The following SPAG16 variants were observed in gnomAD, a reference collection of about 807,000 sequenced individuals.
The protein encoded by SPAG16 is sperm-associated antigen 16 protein.
A neutral mutation model predicts 80.4 loss-of-function variants in SPAG16; 86 were observed. The ratio of observed to expected loss-of-function variants is 1.07; its 90% CI spans 0.90 to 1.28. The LOEUF (loss-of-function observed/expected upper bound fraction) is 1.28. SPAG16 is among the 50% of genes most tolerant of loss of function. SPAG16 has a pLI of 0.00. For synonymous variants in SPAG16, 294 were observed against 265.9 expected, an observed-to-expected ratio of 1.11 and a Z score of -1.03; for missense variants, 870 against 765.3, an observed-to-expected ratio of 1.14 and a Z score of -1.61.
intron 13 of SPAG16, among the ~76,000 whole-genome samples, chr2:214,092,861 C>T (rs763967938): frequency 3.2e-4 from 49 of 152,140 alleles, no homozygotes; most frequent in Non-Finnish European, 6.0e-4. Context: ...TCTATGTACT[C>T]CTTGTCTACT....
intron 10 of SPAG16, among the ~76,000 whole-genome samples, chr2:213,643,259 T>C (rs1283850768): frequency 2.0e-5 from 3 of 147,572 alleles, no homozygotes; most frequent in Admixed American, 6.8e-5. Flanking sequence ...TTGTTTTTAT[T>C]CAGCACTCTA....
intron 15 of SPAG16, among the ~76,000 whole-genome samples, chr2:214,357,201 G>T (rs1698873496): frequency 6.6e-6 from 1 of 151,668 alleles, no homozygotes; most frequent in South Asian, 2.1e-4. Context: ...ACTATGATGT[G>T]CCCAATATGA....
chr2:213,998,531 T>C (rs2046636914), intron 12 of SPAG16, among the ~76,000 whole-genome samples: 1 of 152,228 alleles, frequency 6.6e-6, no homozygotes, highest in Admixed American at 6.5e-5. Flanking sequence ...CTTCCCATTC[T>C]TGGGTATGTC....
intron 10 of SPAG16, among the ~76,000 whole-genome samples, chr2:213,593,662 T>C (rs1410795121): frequency 1.3e-5 from 2 of 151,164 alleles, no homozygotes; most frequent in African/African-American, 4.8e-5. Flanking sequence ...TTCTCTTTTC[T>C]AGGTCATCAT....
intron 15 of SPAG16, among the ~76,000 whole-genome samples, chr2:214,257,621 A>G (rs1690789015): frequency 1.3e-5 from 2 of 152,092 alleles, no homozygotes; most frequent in African/African-American, 4.8e-5. Context: ...TTCTCTTAAT[A>G]TGGTGAATGA....
At chr2:213,565,095 T>C (rs1370341897) in intron 10 of SPAG16, among the ~76,000 whole-genome samples, 1 of 152,200 alleles carries the variant, frequency 6.6e-6, no homozygotes, top group African/African-American at 2.4e-5. Flanking sequence ...TCAGTGTTAC[T>C]TTCTATAATA....
At chr2:214,393,813 G>T (rs1701217714) in intron 15 of SPAG16, among the ~76,000 whole-genome samples, 1 of 152,096 alleles carries the variant, frequency 6.6e-6, no homozygotes. Context: ...CTTTAGATTT[G>T]CTCTAAAAAA....
At chr2:213,562,423 T>C (rs1005094055) in intron 10 of SPAG16, among the ~76,000 whole-genome samples, 1 of 152,190 alleles carries the variant, frequency 6.6e-6, no homozygotes, top group Non-Finnish European at 1.5e-5. Flanking sequence ...TTCTGGAAAA[T>C]ACAAATATGG....
intron 15 of SPAG16, among the ~76,000 whole-genome samples, chr2:214,270,085 C>T (rs1691884096): frequency 6.6e-6 from 1 of 152,120 alleles, no homozygotes; most frequent in Non-Finnish European, 1.5e-5. Context: ...ATTGGAATTT[C>T]ATCACACTCA....
At chr2:213,853,271 G>T (rs1398141806) in intron 10 of SPAG16, among the ~76,000 whole-genome samples, 2 of 152,038 alleles carry the variant, frequency 1.3e-5, no homozygotes, top group African/African-American at 2.4e-5. Context: ...TCTAACAGTG[G>T]ATTCTTATGT....
At chr2:214,248,272 C>A (rs889939284) in intron 15 of SPAG16, among the ~76,000 whole-genome samples, 4 of 148,100 alleles carry the variant, frequency 2.7e-5, no homozygotes, top group Non-Finnish European at 4.5e-5. Context: ...CTGCTATGTG[C>A]TGGGTACTAT....
chr2:213,875,960 CT>C (rs77218439), intron 11 of SPAG16, among the ~76,000 whole-genome samples: 90,223 of 151,804 alleles, frequency 0.59, 28,687 homozygotes, highest in South Asian at 0.85. Flanking sequence ...GCTGTGACAT[CT>C]CAACCTGATC....
intron 12 of SPAG16, among the ~76,000 whole-genome samples, chr2:213,971,971 A>G (rs1453668553): frequency 6.6e-6 from 1 of 151,400 alleles, no homozygotes; most frequent in Admixed American, 6.6e-5. Context: ...TTGTGGGTGC[A>G]TAGCCATATA....
chr2:213,590,182 C>A (rs181933593), intron 10 of SPAG16, among the ~76,000 whole-genome samples: 1 of 152,202 alleles, frequency 6.6e-6, no homozygotes, highest in African/African-American at 2.4e-5. Context: ...CACCTAAATT[C>A]TAACTGTTTT....
rs543007285 is a variant in SPAG16 at position 214,037,210 on chromosome 2, T to C, written c.1527+23133T>C. On this transcript the variant is annotated intron_variant, in intron 13 of 15. Coordinates refer to ENST00000331683, the MANE Select transcript of SPAG16 (RefSeq NM_024532.5). ...CATATAAATAGAGATAGATAGTATG[T>C]ATACTTTAATATACACATATATGTG... is the stretch of plus-strand genomic sequence containing the variant. Among the ~76,000 whole-genome samples the C allele has an allele frequency of 2.1e-5, 3 of 144,394 alleles. No individual in the cohort carries two copies. In the South Asian group the frequency reaches 6.4e-4, roughly 31 times the overall value. 94.7% of individuals were successfully genotyped at this position (144,394 alleles called of 152,430 possible).
chr2:213,763,019 G>C (rs2068743632), intron 10 of SPAG16, among the ~76,000 whole-genome samples: 1 of 152,088 alleles, frequency 6.6e-6, no homozygotes, highest in South Asian at 2.1e-4. Context: ...ATGTTCAACA[G>C]GTGTATGTAA....
At chr2:213,916,528 AT>A (rs2077979309) in intron 11 of SPAG16, among the ~76,000 whole-genome samples, 1 of 152,150 alleles carries the variant, frequency 6.6e-6, no homozygotes, top group South Asian at 2.1e-4. Context: ...CTTGTAGTAT[AT>A]TTTGAAGTCA....
chr2:214,009,319 A>G (rs1465736735), intron 12 of SPAG16, among the ~76,000 whole-genome samples: 1 of 152,012 alleles, frequency 6.6e-6, no homozygotes, highest in Non-Finnish European at 1.5e-5. Flanking sequence ...ACTGGGCTCT[A>G]TTTCCGTATT....
chr2:213,736,065 T>G (rs2067268102), intron 10 of SPAG16, among the ~76,000 whole-genome samples: 1 of 152,196 alleles, frequency 6.6e-6, no homozygotes, highest in African/African-American at 2.4e-5. Flanking sequence ...AATAAAAATT[T>G]AAAACCCATT....
Sources: gnomAD v4.1 joint callset for allele counts (sites outside exome capture counted in the v4.1 genomes callset) on GRCh38, gnomAD v4.1.1 for gene constraint, MANE v1.5 for transcripts, NCBI Gene and HGNC (gene_info 2026-07-23, HGNC 2026-07-21) for gene names.